The following XPR1 variants were observed in gnomAD, a reference collection of about 807,000 sequenced individuals.
XPR1 encodes xenotropic and polytropic retrovirus receptor 1.
A neutral mutation model predicts 87.5 loss-of-function variants in XPR1; 28 were observed. That is an observed-to-expected ratio of 0.32 (90% confidence interval 0.24 to 0.44). XPR1 has a LOEUF of 0.44. Among genes scored for constraint, XPR1 ranks in the 20% least tolerant of loss-of-function variants. The pLI, the probability that XPR1 is intolerant of heterozygous loss-of-function variation, is 1.00. For synonymous variants in XPR1, 300 were observed against 306.1 expected, an observed-to-expected ratio of 0.98 and a Z score of 0.21; for missense variants, 559 against 862.3, an observed-to-expected ratio of 0.65 and a Z score of 4.41.
At chr1:180,718,874 G>A (rs190310128) in intron 2 of XPR1, among the ~76,000 whole-genome samples, 1 of 152,062 alleles carries the variant, frequency 6.6e-6, no homozygotes, top group East Asian at 1.9e-4. Context: ...TCACCATGTT[G>A]GCCAGGCTGG....
At chr1:180,831,572 G>A (rs1473544476) in intron 9 of XPR1, among the ~76,000 whole-genome samples, 3 of 55,364 alleles carry the variant, frequency 5.4e-5, no homozygotes, top group East Asian at 5.4e-4. Context: ...ACATGCCCCA[G>A]TGTGTGATGT....
intron 1 of XPR1, among the ~76,000 whole-genome samples, chr1:180,654,498 C>T (rs149688971): frequency 8.2e-4 from 125 of 152,174 alleles, no homozygotes; most frequent in African/African-American, 2.8e-3. Context: ...GTGCAACCGT[C>T]TCTACCATCC....
At chr1:180,760,728 T>C (rs974767776) in intron 2 of XPR1, among the ~76,000 whole-genome samples, 3 of 152,148 alleles carry the variant, frequency 2.0e-5, no homozygotes, top group Admixed American at 2.0e-4. Context: ...ACCATCAAGC[T>C]ACCAATGGAC....
At chr1:180,688,702 G>A (rs7553766) in intron 2 of XPR1, among the ~76,000 whole-genome samples, 4,533 of 152,152 alleles carry the variant, frequency 0.03, 153 homozygotes, top group African/African-American at 0.08. Context: ...TATAGTACCC[G>A]TTTGACATTG....
intron 2 of XPR1, among the ~76,000 whole-genome samples, chr1:180,725,212 A>G (rs1390917608): frequency 6.6e-6 from 1 of 152,184 alleles, no homozygotes; most frequent in African/African-American, 2.4e-5. Flanking sequence ...TTATTGTAGC[A>G]TCATTTTAGT....
chr1:180,728,311 G>GGGGAA (rs1557977372), intron 2 of XPR1, among the ~76,000 whole-genome samples: 4 of 140,374 alleles, frequency 2.8e-5, no homozygotes, highest in African/African-American at 1.1e-4. Context: ...GGGGGGGGTA[G>GGGGAA]TAATGAAAAC....
intron 9 of XPR1, among the ~76,000 whole-genome samples, chr1:180,827,867 CTTTT>C (rs925937086): frequency 8.3e-6 from 1 of 120,440 alleles, no homozygotes; most frequent in African/African-American, 3.1e-5. Flanking sequence ...ACATTTCTTT[CTTTT>C]TTTCTTTAAT....
At chr1:180,795,377 A>G (rs1179174766) in intron 3 of XPR1, among the ~76,000 whole-genome samples, 1 of 152,176 alleles carries the variant, frequency 6.6e-6, no homozygotes, top group Non-Finnish European at 1.5e-5. Flanking sequence ...TTTATCAAAT[A>G]TTTAGTATGA....
chr1:180,650,575 T>C (rs1383821017), intron 1 of XPR1, among the ~76,000 whole-genome samples: 1 of 152,222 alleles, frequency 6.6e-6, no homozygotes, highest in African/African-American at 2.4e-5. Context: ...TGAGCTCTTT[T>C]TGTCATTTCC....
intron 2 of XPR1, among the ~76,000 whole-genome samples, chr1:180,702,702 T>C (rs1657389128): frequency 6.6e-6 from 1 of 152,112 alleles, no homozygotes; most frequent in African/African-American, 2.4e-5. Context: ...TTTCCTGATT[T>C]CTTTATATTG....
chr1:180,828,916 G>A (rs1424822844), intron 9 of XPR1, among the ~76,000 whole-genome samples: 1 of 152,108 alleles, frequency 6.6e-6, no homozygotes, highest in East Asian at 1.9e-4. Flanking sequence ...CAAATTTGAG[G>A]CCAGGCACAG....
At chr1:180,818,119 T>A (rs1471110316) in intron 7 of XPR1, among the ~76,000 whole-genome samples, 1 of 152,180 alleles carries the variant, frequency 6.6e-6, no homozygotes, top group African/African-American at 2.4e-5. Context: ...TCTTGAAAGA[T>A]AATAGACAAA....
rs151312617 is a variant in XPR1, at chr1:180,808,998, T to C, written c.682-2409T>C. Among the ~76,000 whole-genome samples, 57 of 152,334 alleles carry C rather than the reference T, an allele frequency of 3.7e-4. 1 individual carries two copies. Among genetic ancestry groups the C allele is most frequent in the African/African-American group, 1.3e-3 (56 of 41,584 alleles). On this transcript the variant is annotated intron_variant, in intron 6 of 14. Coordinates refer to ENST00000367590, the MANE Select transcript of XPR1 (RefSeq NM_004736.4). ...TTTCTACACAAATGTTCATAGCATC[T>C]AAACAACCCAAATGTCTATCAGTAG...
chr1:180,839,976 C>A (rs1212495771), intron 11 of XPR1, among the ~76,000 whole-genome samples: 8 of 151,700 alleles, frequency 5.3e-5, no homozygotes, highest in Non-Finnish European at 1.0e-4. Flanking sequence ...GTAATCCCAG[C>A]ACTTTGGGAG....
intron 2 of XPR1, among the ~76,000 whole-genome samples, chr1:180,711,649 A>G (rs940577939): frequency 2.6e-5 from 4 of 152,124 alleles, no homozygotes; most frequent in Admixed American, 6.5e-5. Context: ...TATATTTTAG[A>G]TACAAGACCT....
chr1:180,793,471 G>A (rs1649460164), intron 3 of XPR1, among the ~76,000 whole-genome samples: 1 of 149,676 alleles, frequency 6.7e-6, no homozygotes, highest in Non-Finnish European at 1.5e-5. Context: ...TGACTTAATG[G>A]CTGGTTTTGT....
At chr1:180,721,388 CTG>C (rs1353674549) in intron 2 of XPR1, among the ~76,000 whole-genome samples, 2 of 152,206 alleles carry the variant, frequency 1.3e-5, no homozygotes, top group Non-Finnish European at 2.9e-5. Context: ...ATTTGACAGA[CTG>C]TGGGTTGACT....
At chr1:180,798,257 G>A (rs913407322) in intron 3 of XPR1, among the ~76,000 whole-genome samples, 1 of 151,720 alleles carries the variant, frequency 6.6e-6, no homozygotes, top group African/African-American at 2.4e-5. Context: ...TTTTTTTAAA[G>A]GACCAATTAG....
At chr1:180,749,475 A>G (rs1311437981) in intron 2 of XPR1, among the ~76,000 whole-genome samples, 1 of 152,108 alleles carries the variant, frequency 6.6e-6, no homozygotes, top group Non-Finnish European at 1.5e-5. Context: ...CATTAGTTGC[A>G]ACCTTAGGTT....
Sources: allele counts gnomAD v4.1 joint callset (sites outside exome capture counted in the v4.1 genomes callset), GRCh38; gene constraint gnomAD v4.1.1; transcripts MANE v1.5; gene names NCBI Gene and HGNC (gene_info 2026-07-23, HGNC 2026-07-21).